LRP1B: variants seen among roughly 807,000 people sequenced by gnomAD.
The protein encoded by LRP1B is LDL receptor related protein 1B.
A neutral mutation model predicts 556.6 loss-of-function variants in LRP1B; 217 were observed. The ratio of observed to expected loss-of-function variants is 0.39; its 90% CI spans 0.35 to 0.44. The LOEUF (loss-of-function observed/expected upper bound fraction) is 0.44, where lower values mean the gene tolerates loss of function less well. Ranked by LOEUF, LRP1B falls within the 20% of genes least tolerant of loss-of-function variation. The probability of loss-of-function intolerance (pLI) is 1.00; values close to 1 mark genes in which losing one functional copy is unlikely to be tolerated. For synonymous variants in LRP1B, 2,047 were observed against 1,865.8 expected, an observed-to-expected ratio of 1.10 and a Z score of -2.50; for missense variants, 5,053 against 5,620.8, an observed-to-expected ratio of 0.90 and a Z score of 3.23.
chr2:140,836,122 T>A (rs1466999951), intron 31 of LRP1B, among the ~76,000 whole-genome samples: 1 of 152,224 alleles, frequency 6.6e-6, no homozygotes, highest in East Asian at 1.9e-4. Flanking sequence ...TAAATTTTTT[T>A]AATATTATGA....
chr2:141,218,990 G>C (rs946073359), intron 6 of LRP1B, among the ~76,000 whole-genome samples: 1 of 152,214 alleles, frequency 6.6e-6, no homozygotes, highest in African/African-American at 2.4e-5. Flanking sequence ...CAGGATAAGG[G>C]GAACTCTCAC....
At chr2:141,876,570 T>A (rs1433977483) in intron 1 of LRP1B, among the ~76,000 whole-genome samples, 1 of 151,982 alleles carries the variant, frequency 6.6e-6, no homozygotes, top group Non-Finnish European at 1.5e-5. Context: ...GTTCAAAAAT[T>A]CTATTAGTTC....
At chr2:141,110,605 G>A (rs76086436) in intron 7 of LRP1B, among the ~76,000 whole-genome samples, 9,007 of 151,524 alleles carry the variant, frequency 0.059, 348 homozygotes, top group South Asian at 0.11. Flanking sequence ...ATGGCTTTGT[G>A]GGAAAACAAA....
intron 43 of LRP1B, among the ~76,000 whole-genome samples, chr2:140,542,549 G>C (rs911193020): frequency 2.0e-5 from 3 of 152,058 alleles, no homozygotes; most frequent in Non-Finnish European, 4.4e-5. Context: ...CTACACAACA[G>C]CAAAATATAG....
chr2:140,816,861 G>A (rs1227138439), intron 31 of LRP1B, among the ~76,000 whole-genome samples: 1 of 152,018 alleles, frequency 6.6e-6, no homozygotes, highest in East Asian at 1.9e-4. Flanking sequence ...TGCATCATAA[G>A]ATTTTTCATT....
intron 84 of LRP1B, among the ~76,000 whole-genome samples, chr2:140,287,641 TAAAAA>T (rs34500444): frequency 1.5e-5 from 2 of 135,280 alleles, no homozygotes; most frequent in Admixed American, 7.5e-5. Flanking sequence ...ATATTGCAAG[TAAAAA>T]AAAAAAAAAA....
intron 1 of LRP1B, among the ~76,000 whole-genome samples, chr2:141,874,958 G>C (rs1220418671): frequency 3.3e-5 from 5 of 151,428 alleles, no homozygotes; most frequent in Non-Finnish European, 1.5e-5. Flanking sequence ...GATTTTATAA[G>C]AGATATTATA....
At chr2:141,287,203 T>C (rs1474433671) in intron 3 of LRP1B, among the ~76,000 whole-genome samples, 1 of 152,206 alleles carries the variant, frequency 6.6e-6, no homozygotes, top group African/African-American at 2.4e-5. Context: ...TTTCTGTTGT[T>C]ATGTTCATTA....
rs562784501 is a variant in LRP1B, at chr2:141,290,684, G to GAAAC, written c.344-36047_344-36044dup. 3.9e-3 allele frequency among the ~76,000 whole-genome samples: 593 copies of GAAAC among 152,070 alleles called. 2 individuals carry two copies. The highest frequency in any genetic ancestry group is 0.013 in the African/African-American group (524 of 41,486). On this transcript the variant is annotated intron_variant, in intron 3 of 90. Transcript: ENST00000389484. ...TAAGCATGTATCAATGGTTCAGTAG[G>GAAAC]AAACAAACAAACAAACAAACAAACA...
chr2:142,031,176 TTTC>T (rs1217108300), intron 1 of LRP1B, among the ~76,000 whole-genome samples: 1 of 151,898 alleles, frequency 6.6e-6, no homozygotes, highest in African/African-American at 2.4e-5. Flanking sequence ...TATAGCTTTC[TTTC>T]TTCTTGTGTG....
At position 141,523,923 on chromosome 2, in the gene LRP1B, A is replaced by G. The variant is rs542315243; in HGVS notation, c.206-43390T>C. ...GTCACTGCACAGGCTCTAAAACTAA[A>G]CCAATGATTGTCACTTGTAATTGTC... On this transcript the variant is annotated intron_variant, in intron 2 of 90. Transcript: ENST00000389484. 1.4e-4 allele frequency among the ~76,000 whole-genome samples: 21 copies of G among 152,276 alleles called. No individual in the cohort carries two copies. The South Asian group carries it at 4.1e-3, about 30-fold the overall frequency.
At chr2:140,423,183 A>G (rs1457888511) in intron 66 of LRP1B, among the ~76,000 whole-genome samples, 1 of 152,128 alleles carries the variant, frequency 6.6e-6, no homozygotes, top group Non-Finnish European at 1.5e-5. Context: ...ATAGAATCCC[A>G]TGTAATTGCT....
At chr2:140,600,397 C>T (rs2105194160) in intron 42 of LRP1B, among the ~76,000 whole-genome samples, 1 of 152,174 alleles carries the variant, frequency 6.6e-6, no homozygotes, top group African/African-American at 2.4e-5. Flanking sequence ...AGATGATGTT[C>T]AATTAAGTGA....
At chr2:141,093,428 C>T (rs1398910993) in intron 7 of LRP1B, among the ~76,000 whole-genome samples, 2 of 152,082 alleles carry the variant, frequency 1.3e-5, no homozygotes, top group Non-Finnish European at 2.9e-5. Context: ...GAAGGAATAA[C>T]AGATTGGAAT....
chr2:141,850,583 G>GTA (rs70994457), intron 1 of LRP1B, among the ~76,000 whole-genome samples: 2,159 of 142,620 alleles, frequency 0.015, 39 homozygotes, highest in African/African-American at 0.038. Flanking sequence ...ATGTGTGTAT[G>GTA]TATATATATA....
chr2:141,255,234 G>T (rs1684415970), intron 3 of LRP1B, among the ~76,000 whole-genome samples: 1 of 151,990 alleles, frequency 6.6e-6, no homozygotes, highest in Non-Finnish European at 1.5e-5. Context: ...TAGAGATGAA[G>T]TGACAGGAGC....
chr2:141,838,147 G>C (rs1697351520), intron 1 of LRP1B, among the ~76,000 whole-genome samples: 1 of 152,060 alleles, frequency 6.6e-6, no homozygotes, highest in Admixed American at 6.6e-5. Flanking sequence ...GCTAGAAGTG[G>C]GGGATGCAGA....
intron 79 of LRP1B, among the ~76,000 whole-genome samples, chr2:140,328,912 G>A (rs1680643270): frequency 6.6e-6 from 1 of 151,934 alleles, no homozygotes; most frequent in Non-Finnish European, 1.5e-5. Context: ...TATTTAACTA[G>A]AGACATTATG....
chr2:140,271,817 A>T (rs1682473716), intron 85 of LRP1B, among the ~76,000 whole-genome samples: 1 of 151,930 alleles, frequency 6.6e-6, no homozygotes. Flanking sequence ...AATCAGTGGT[A>T]TTGGTGTCTA....
Sources: allele counts gnomAD v4.1 joint callset (sites outside exome capture counted in the v4.1 genomes callset), GRCh38; gene constraint gnomAD v4.1.1; transcripts MANE v1.5; gene names NCBI Gene and HGNC (gene_info 2026-07-23, HGNC 2026-07-21).